Variants in PTPN12 observed in about 807,000 individuals in gnomAD.
PTPN12 encodes the protein tyrosine-protein phosphatase non-receptor type 12.
PTPN12 carries 29 observed loss-of-function variants against 97.6 expected under a neutral mutation model. The ratio of observed to expected loss-of-function variants is 0.30; its 90% CI spans 0.22 to 0.41. PTPN12 has a LOEUF of 0.41. PTPN12 is among the 10% of genes least tolerant of loss of function. The pLI, the probability that PTPN12 is intolerant of heterozygous loss-of-function variation, is 1.00. For missense variants in PTPN12, 819 were observed against 926.0 expected (o/e 0.88, Z 1.50); for synonymous variants, 327 against 300.4 (o/e 1.09, Z -0.91).
At chr7:77,628,718 A>G (rs553084878) in intron 13 of PTPN12, among the ~76,000 whole-genome samples, 2 of 151,916 alleles carry the variant, frequency 1.3e-5, no homozygotes, top group Non-Finnish European at 2.9e-5. Flanking sequence ...TTATGTTTTT[A>G]GTAGAGACAG....
chr7:77,604,272 A>G (rs1356028875), intron 8 of PTPN12, among the ~76,000 whole-genome samples: 5 of 124,514 alleles, frequency 4.0e-5, no homozygotes, highest in African/African-American at 1.6e-4. Context: ...CTGGAGTGCA[A>G]TGGTGCGATC....
intron 5 of PTPN12, among the ~76,000 whole-genome samples, chr7:77,586,906 A>G (rs894828321): frequency 2.0e-5 from 3 of 152,168 alleles, no homozygotes; most frequent in Non-Finnish European, 4.4e-5. Flanking sequence ...CTCCTCATCC[A>G]TTCCAGGTTT....
intron 8 of PTPN12, chr7:77,604,769 A>C (rs1788305688): frequency 4.3e-6 from 1 of 232,528 alleles, no homozygotes; most frequent in Admixed American, 5.1e-5. Flanking sequence ...TTATCATTGG[A>C]TAAATATCCA....
At chr7:77,544,217 T>G (rs1203977771) in intron 1 of PTPN12, among the ~76,000 whole-genome samples, 1 of 152,218 alleles carries the variant, frequency 6.6e-6, no homozygotes, top group Non-Finnish European at 1.5e-5. Context: ...GGGTGTGAAG[T>G]GGTATCTTCT....
rs769303546 is a variant in PTPN12, at chr7:77,638,639, G to A, written c.2189G>A (p.Gly730Asp). The change falls in exon 17 of 18, where the codon GGT (glycine) becomes GAT (aspartate). Residue 730 changes from glycine (G) to aspartate (D), a missense_variant. Gly to Asp is a moderately conservative substitution (Grantham distance 94, BLOSUM62 -1). Transcript: ENST00000248594. ...TGCTACTTAGATCATCCAGCGGGAG[G>A]TATTCACTATGAAATGTGCATAGAA... is the stretch of plus-strand genomic sequence containing the variant. ...ENEKCDHPAG[G>D]IHYEMCIECP... 3 of 1,596,498 alleles carry A rather than the reference G, an allele frequency of 1.9e-6. No homozygotes were observed. Among genetic ancestry groups the A allele is most frequent in the African/African-American group, 1.4e-5 (1 of 73,858 alleles).
In PTPN12 at chr7:77,573,498, A is replaced by G. The variant is rs142717170; in HGVS notation, c.208+2312A>G. On this transcript the variant is annotated intron_variant, in intron 2 of 17. Transcript: ENST00000248594. ...AAGGCATAATCTAATCATCTCCTAA[A>G]GGCCCTACCACTTAATACTGTTGCA... Among the ~76,000 whole-genome samples, 55 of 152,290 alleles carry G rather than the reference A, an allele frequency of 3.6e-4. 1 individual carries two copies. In the East Asian group the frequency reaches 7.7e-3, roughly 21 times the overall value.
chr7:77,627,611 A>G lies in PTPN12; in HGVS notation c.1932A>G (p.Lys644=), dbSNP rs771344556. The change falls in exon 13 of 18, where the codon AAA becomes AAG. Residue 644 remains lysine (K), a synonymous_variant. Transcript: ENST00000248594. The part of the protein sequence containing the change: ...ATSTESISTR[K]VLPMSIARHN... ...GTACTGAAAGCATTTCTACTAGGAA[A>G]GTATTGCCAATGTCCATTGCTAGAC... 8 of 1,612,226 alleles carry G rather than the reference A, an allele frequency of 5.0e-6. No homozygotes were observed. Among genetic ancestry groups the G allele is most frequent in the East Asian group, 2.2e-5 (1 of 44,880 alleles).
intron 2 of PTPN12, among the ~76,000 whole-genome samples, chr7:77,579,135 A>T (rs985039041): frequency 1.3e-5 from 2 of 152,144 alleles, no homozygotes; most frequent in East Asian, 3.8e-4. Context: ...TATTATTATT[A>T]TCTTGAGATG....
At chr7:77,571,459 ACT>A (rs951370633) in intron 2 of PTPN12, among the ~76,000 whole-genome samples, 10 of 152,146 alleles carry the variant, frequency 6.6e-5, no homozygotes, top group African/African-American at 1.4e-4. Flanking sequence ...TCTTCTGTCA[ACT>A]CTCTGTTCAA....
In PTPN12 at chr7:77,573,105, C is replaced by CAAAAAAAAAAAAAA. The variant is rs1188949235; in HGVS notation, c.208+1927_208+1928insAAAAAAAAAAAAAA. Reference sequence around the variant, plus strand: ...CTCAAAAAAAAAAAAAACAAAAAAACAAAAAAAACCAGTGTACCTAGCACA... The same window carrying CAAAAAAAAAAAAAA: ...CTCAAAAAAAAAAAAAACAAAAAAACAAAAAAAAAAAAAAAAAAAAAACCAGTGTACCTAGCACA... On this transcript the variant is annotated intron_variant, in intron 2 of 17. Transcript: ENST00000248594. Among the ~76,000 whole-genome samples, 2 of 47,844 alleles carry CAAAAAAAAAAAAAA rather than the reference C, an allele frequency of 4.2e-5. 1 individual carries two copies. Among genetic ancestry groups the CAAAAAAAAAAAAAA allele is most frequent in the East Asian group, 1.1e-3 (2 of 1,744 alleles). The allele number at this position is 47,844 out of a possible 152,430, so 31.4% of individuals were successfully genotyped here. A position where few individuals can be genotyped will look rare whatever the true frequency, so the allele number is the denominator to read the frequency against.
At chr7:77,619,348 C>T (rs1307517799) in intron 12 of PTPN12, among the ~76,000 whole-genome samples, 8 of 152,242 alleles carry the variant, frequency 5.3e-5, no homozygotes, top group Admixed American at 1.3e-4. Flanking sequence ...TTGGGTCAGA[C>T]GGCCAGGGTC....
At chr7:77,575,835 T>G (rs1787324809) in intron 2 of PTPN12, among the ~76,000 whole-genome samples, 1 of 152,152 alleles carries the variant, frequency 6.6e-6, no homozygotes, top group Non-Finnish European at 1.5e-5. Flanking sequence ...CAATATATAG[T>G]CTTTTGTGTC....
Position 77,564,756 on chromosome 7 carries a change from T to TTTTG in PTPN12, c.100-6319_100-6318insGTTT, listed in dbSNP as rs1808177348. Among the ~76,000 whole-genome samples the TTTTG allele has an allele frequency of 2.2e-5, 2 of 91,074 alleles. 1 individual carries two copies. Among genetic ancestry groups the TTTTG allele is most frequent in the African/African-American group, 9.6e-5 (2 of 20,876 alleles). The allele number at this position is 91,074 out of a possible 152,430, so 59.7% of individuals were successfully genotyped here. A position where few individuals can be genotyped will look rare whatever the true frequency, so the allele number is the denominator to read the frequency against. On this transcript the variant is annotated intron_variant, in intron 1 of 17. Coordinates refer to ENST00000248594, the MANE Select transcript of PTPN12 (RefSeq NM_002835.4). ...GTTTTTTGTTGTCGTGTTTTTTTTT[T>TTTTG]TTTTTTTTTTTTTTTTTTTTGAGAC... is the stretch of plus-strand genomic sequence containing the variant.
At chr7:77,609,614 C>T (rs1410288257) in intron 9 of PTPN12, among the ~76,000 whole-genome samples, 1 of 151,370 alleles carries the variant, frequency 6.6e-6, no homozygotes, top group Non-Finnish European at 1.5e-5. Flanking sequence ...GGCGCGGTGG[C>T]TCACGCCTGT....
At position 77,627,693 on chromosome 7, in the gene PTPN12, A is replaced by C. The variant is rs374170860; in HGVS notation, c.1996+18A>C. 2 of 1,526,204 alleles carry C rather than the reference A, an allele frequency of 1.3e-6. No individual in the cohort carries two copies. The highest frequency in any genetic ancestry group is 1.4e-5 in the African/African-American group (1 of 72,092). 94.5% of individuals were successfully genotyped at this position (1,526,204 alleles called of 1,614,324 possible). A position where few individuals can be genotyped will look rare whatever the true frequency, so the allele number is the denominator to read the frequency against. On this transcript the variant is annotated intron_variant, in intron 13 of 17. Coordinates refer to ENST00000248594, the MANE Select transcript of PTPN12 (RefSeq NM_002835.4). ...TGAAAAAGGTAATAATATAGTGTCAAATACTTAAATGTCTTTCCTATGTGC... is the reference window on the plus strand; with the variant it reads ...TGAAAAAGGTAATAATATAGTGTCACATACTTAAATGTCTTTCCTATGTGC...
chr7:77,606,240 C>G (rs1788370236), intron 8 of PTPN12, among the ~76,000 whole-genome samples: 1 of 151,942 alleles, frequency 6.6e-6, no homozygotes, highest in Non-Finnish European at 1.5e-5. Context: ...AGGCATGAGC[C>G]CCTGCGCCCA....
chr7:77,571,013 T>G (rs1787107118), intron 1 of PTPN12, 65 bp from the exon 2 acceptor site: 1 of 1,088,816 alleles, frequency 9.2e-7, no homozygotes, highest in African/African-American at 1.7e-5. Context: ...GTCACCAGAT[T>G]TCATTAAAAA....
Position 77,537,602 on chromosome 7 carries a change from G to C in PTPN12, c.56G>C (p.Ser19Thr), listed in dbSNP as rs1465757640. The C allele has an allele frequency of 4.4e-6, 7 of 1,606,326 alleles. No individual in the cohort carries two copies. Among genetic ancestry groups the C allele is most frequent in the Non-Finnish European group, 3.4e-6 (4 of 1,177,176 alleles). ...ATCCAGAGGGTCCAGGCCATGAAGAGTCCTGACCACAATGGGGAGGACAAC... is the reference window on the plus strand; with the variant it reads ...ATCCAGAGGGTCCAGGCCATGAAGACTCCTGACCACAATGGGGAGGACAAC... Reference protein sequence around the residue: ...KFIQRVQAMKSPDHNGEDNFA... With the variant: ...KFIQRVQAMKTPDHNGEDNFA... The change falls in exon 1 of 18, where the codon AGT (serine) becomes ACT (threonine). Residue 19 changes from serine to threonine, a missense_variant. By Grantham distance (58) the Ser-to-Thr change is moderately conservative (BLOSUM62 1). This residue lies in a region of PTPN12 where 59 missense variants were observed against 42.2 expected (regional missense o/e 1.40). Coordinates refer to ENST00000248594, the MANE Select transcript of PTPN12 (RefSeq NM_002835.4).
intron 6 of PTPN12, among the ~76,000 whole-genome samples, chr7:77,592,923 C>G (rs986581916): frequency 6.6e-6 from 1 of 151,956 alleles, no homozygotes; most frequent in African/African-American, 2.4e-5. Context: ...TAAAATAGAA[C>G]CAAGTTTTCT....
Sources: gnomAD v4.1 joint callset for allele counts (sites outside exome capture counted in the v4.1 genomes callset) on GRCh38, gnomAD v4.1.1 for gene constraint, gnomAD v4.1.1 regional missense constraint, MANE v1.5 for transcripts, NCBI Gene and HGNC (gene_info 2026-07-23, HGNC 2026-07-21) for gene names.